Variants in ATF7 observed in about 807,000 individuals in gnomAD.
ATF7 encodes cyclic AMP-dependent transcription factor ATF-7.
Under a neutral mutation model 50.4 loss-of-function variants are expected in ATF7, and 10 were observed. The ratio of observed to expected loss-of-function variants is 0.20; its 90% confidence interval spans 0.12 to 0.34. ATF7 has a LOEUF of 0.34. Among genes scored for constraint, ATF7 ranks in the 10% least tolerant of loss-of-function variants. ATF7 has a pLI of 1.00. For missense variants in ATF7, 465 were observed against 613.9 expected (o/e 0.76, Z 2.56); for synonymous variants, 201 against 226.4 (o/e 0.89, Z 1.01).
At position 53,513,111 on chromosome 12, in the gene ATF7, T is replaced by TA. The variant is rs1272037148; in HGVS notation, c.*4025dup. 6.6e-6 allele frequency: 1 copy of TA among 151,928 alleles called. No homozygotes were observed. Among genetic ancestry groups the TA allele is most frequent in the Non-Finnish European group, 1.5e-5 (1 of 67,966 alleles). The allele number at this position is 151,928 out of a possible 1,614,324, so 9.4% of individuals were successfully genotyped here. A position where few individuals can be genotyped will look rare whatever the true frequency, so the allele number is the denominator to read the frequency against. ...TAACTCTGTGCTATTAGCCCCCCAT[T>TA]AAAAAAATAAACCCTAGTAGCTATG... On this transcript the variant is annotated 3_prime_UTR_variant, in exon 12 of 12. Coordinates refer to ENST00000420353, the MANE Select transcript of ATF7 (RefSeq NM_006856.3).
rs1273166234 is a variant in ATF7, at chr12:53,515,238, G to C, written c.*1899C>G. The C allele has an allele frequency of 6.6e-6, 1 of 152,218 alleles. No homozygotes were observed. The highest frequency in any genetic ancestry group is 2.4e-5 in the African/African-American group (1 of 41,456). The allele number at this position is 152,218 out of a possible 1,614,324, so 9.4% of individuals were successfully genotyped here. ...ATTTAAAACAAATGCAGCAGAACCT[G>C]TTACCTGACTGGTTCACTAGGACAG... On this transcript the variant is annotated 3_prime_UTR_variant, in exon 12 of 12. Transcript: ENST00000420353.
chr12:53,558,532 C>T (rs1940888913), intron 2 of ATF7, among the ~76,000 whole-genome samples: 1 of 152,114 alleles, frequency 6.6e-6, no homozygotes, highest in African/African-American at 2.4e-5. Context: ...CTGATGGACT[C>T]CAGATCTGCA....
chr12:53,594,513 A>C (rs995873878), intron 2 of ATF7, among the ~76,000 whole-genome samples: 1 of 152,248 alleles, frequency 6.6e-6, no homozygotes, highest in African/African-American at 2.4e-5. Flanking sequence ...CATGTTTCTA[A>C]GGGCAAGTGT....
At chr12:53,595,553 T>A (rs1177857813) in intron 2 of ATF7, among the ~76,000 whole-genome samples, 1 of 152,212 alleles carries the variant, frequency 6.6e-6, no homozygotes, top group Non-Finnish European at 1.5e-5. Context: ...TGCCAGCATT[T>A]AACCAATCAT....
intron 1 of ATF7, among the ~76,000 whole-genome samples, chr12:53,603,799 C>T (rs1277928233): frequency 2.0e-5 from 3 of 151,576 alleles, no homozygotes; most frequent in Non-Finnish European, 4.4e-5. Flanking sequence ...TCAATTGCTA[C>T]ATATAAAGAA....
chr12:53,562,112 T>C (rs1425664779), intron 2 of ATF7, among the ~76,000 whole-genome samples: 1 of 152,198 alleles, frequency 6.6e-6, no homozygotes, highest in Non-Finnish European at 1.5e-5. Flanking sequence ...GTCCACTGTA[T>C]AAAGAAAAGG....
At chr12:53,542,113 T>TC (rs1939596549) in intron 4 of ATF7, among the ~76,000 whole-genome samples, 1 of 146,206 alleles carries the variant, frequency 6.8e-6, no homozygotes, top group Non-Finnish European at 1.5e-5. Flanking sequence ...GCCTGTTTTT[T>TC]TTTTTTTTTT....
chr12:53,556,857 T>A (rs76296321), intron 2 of ATF7, among the ~76,000 whole-genome samples: 2 of 152,350 alleles, frequency 1.3e-5, no homozygotes, highest in Non-Finnish European at 2.9e-5. Context: ...AGATTAGTCA[T>A]AAACTTCATT....
chr12:53,533,000 T>C (rs539038002), intron 7 of ATF7, among the ~76,000 whole-genome samples, 160 bp downstream of exon 7: 3 of 152,264 alleles, frequency 2.0e-5, no homozygotes, highest in African/African-American at 7.2e-5. Flanking sequence ...TAGTGCTGGA[T>C]TGGCAGAGGT....
chr12:53,597,366 T>C (rs893007680), intron 2 of ATF7, among the ~76,000 whole-genome samples: 1 of 152,184 alleles, frequency 6.6e-6, no homozygotes, highest in African/African-American at 2.4e-5. Context: ...GAGAGCATAA[T>C]CCACTAGTCT....
chr12:53,607,256 T>A (rs939495269), intron 1 of ATF7, among the ~76,000 whole-genome samples: 2 of 152,242 alleles, frequency 1.3e-5, no homozygotes, highest in African/African-American at 4.8e-5. Flanking sequence ...ATTGCCATTC[T>A]AACTGGTGTG....
intron 3 of ATF7, among the ~76,000 whole-genome samples, chr12:53,548,939 T>A (rs1940127308): frequency 6.6e-6 from 1 of 151,898 alleles, no homozygotes; most frequent in East Asian, 1.9e-4. Context: ...GAGCTGTGAT[T>A]GTGCCACTGC....
chr12:53,561,237 G>T (rs1249828291), intron 2 of ATF7, among the ~76,000 whole-genome samples: 2 of 151,402 alleles, frequency 1.3e-5, no homozygotes, highest in Admixed American at 6.6e-5. Flanking sequence ...TATACTTGGG[G>T]GCGTATTTTG....
chr12:53,572,563 G>C (rs2137634464), intron 2 of ATF7, among the ~76,000 whole-genome samples: 1 of 152,218 alleles, frequency 6.6e-6, no homozygotes, highest in Non-Finnish European at 1.5e-5. Context: ...GCTTTTGGCG[G>C]GGGGAAAGGG....
At chr12:53,591,465 CAG>C (rs1230252372) in intron 2 of ATF7, among the ~76,000 whole-genome samples, 1 of 152,126 alleles carries the variant, frequency 6.6e-6, no homozygotes, top group African/African-American at 2.4e-5. Flanking sequence ...AGAAAGAGAA[CAG>C]AAGCCAAGAC....
intron 2 of ATF7, among the ~76,000 whole-genome samples, chr12:53,599,171 C>T (rs1366317569): frequency 6.6e-6 from 1 of 152,024 alleles, no homozygotes; most frequent in African/African-American, 2.4e-5. Flanking sequence ...GTAGCTGGGA[C>T]TACAGGCGTG....
At chr12:53,522,931 T>C (rs12321906) in intron 11 of ATF7, among the ~76,000 whole-genome samples, 6,784 of 152,324 alleles carry the variant, frequency 0.045, 413 homozygotes, top group African/African-American at 0.13. Context: ...TTGGTAACTT[T>C]GGCTAAATGA....
chr12:53,535,266 G>C (rs1388336969), intron 5 of ATF7, among the ~76,000 whole-genome samples: 2 of 149,592 alleles, frequency 1.3e-5, no homozygotes, highest in African/African-American at 2.5e-5. Flanking sequence ...GGCGGAGGAG[G>C]TTGCAGTGAG....
chr12:53,523,457 AAAGG>A, intron 10 of ATF7, 73 bp from the exon 11 acceptor site: 1 of 1,112,340 alleles, frequency 9.0e-7, no homozygotes, highest in Non-Finnish European at 1.4e-6. Flanking sequence ...GGCTGTTCCC[AAAGG>A]AAGGACAGAA....
Sources: gnomAD v4.1 joint callset for allele counts (sites outside exome capture counted in the v4.1 genomes callset) on GRCh38, gnomAD v4.1.1 for gene constraint, MANE v1.5 for transcripts, NCBI Gene and HGNC (gene_info 2026-07-23, HGNC 2026-07-21) for gene names.